The following CES1 variants were observed in gnomAD, a reference collection of about 807,000 sequenced individuals.
CES1 encodes liver carboxylesterase 1.
CES1 carries 50 observed loss-of-function variants against 53.0 expected under a neutral mutation model. The ratio of observed to expected loss-of-function variants is 0.94; its 90% confidence interval spans 0.75 to 1.19. The LOEUF (loss-of-function observed/expected upper bound fraction) is 1.19, where lower values mean the gene tolerates loss of function less well. CES1 is among the 50% of genes most tolerant of loss of function. The pLI, the probability that CES1 is intolerant of heterozygous loss-of-function variation, is 0.00. For missense variants in CES1, 534 were observed against 538.0 expected, an observed-to-expected ratio of 0.99 and a Z score of 0.07; for synonymous variants, 202 against 210.1, an observed-to-expected ratio of 0.96 and a Z score of 0.33.
chr16:55,811,641 CA>C lies in CES1; in HGVS notation c.1087-632del, dbSNP rs555322778. Among the ~76,000 whole-genome samples the C allele has an allele frequency of 1.1e-4, 16 of 152,294 alleles. No individual in the cohort carries two copies. The South Asian group carries it at 3.3e-3, about 32-fold the overall frequency. On this transcript the variant is annotated intron_variant, in intron 9 of 13. Coordinates refer to ENST00000360526, the MANE Select transcript of CES1 (RefSeq NM_001025195.2). ...CTTAACATAACTGCCTGGGAAGGCT[CA>C]ACCCTGCCAGGACAATTTACTCTGC...
At chr16:55,810,152 C>A (rs1305419102) in intron 11 of CES1, among the ~76,000 whole-genome samples, 4 of 152,110 alleles carry the variant, frequency 2.6e-5, no homozygotes, top group Non-Finnish European at 5.9e-5. Flanking sequence ...GATGGGATGC[C>A]CCTGAGCCCT....
intron 9 of CES1, among the ~76,000 whole-genome samples, chr16:55,812,060 G>A (rs1359090177): frequency 2.6e-5 from 4 of 152,174 alleles, no homozygotes; most frequent in African/African-American, 4.8e-5. Context: ...CCTATGAAAC[G>A]TCATCAGGCT....
At chr16:55,819,507 G>T (rs769836512) in intron 7 of CES1, 28 bp downstream of exon 7, 19 of 1,538,470 alleles carry the variant, frequency 1.2e-5, no homozygotes, top group Admixed American at 8.3e-5. Flanking sequence ...AGTTTACAGG[G>T]TTTGGGCTAC....
At chr16:55,820,037 C>T (rs1397027357) in intron 6 of CES1, 4 of 560,542 alleles carry the variant, frequency 7.1e-6, no homozygotes, top group South Asian at 6.0e-5. Flanking sequence ...CCATCACTGC[C>T]CAACATGGCA....
At chr16:55,819,406 G>C in intron 7 of CES1, 129 bp downstream of exon 7, 1 of 756,712 alleles carries the variant, frequency 1.3e-6, no homozygotes, top group Non-Finnish European at 2.4e-6. Context: ...GGACAAATCA[G>C]ATTCCCCATT....
intron 11 of CES1, among the ~76,000 whole-genome samples, chr16:55,810,070 A>G (rs1288414334): frequency 2.0e-5 from 3 of 152,098 alleles, no homozygotes; most frequent in Non-Finnish European, 4.4e-5. Flanking sequence ...GGAATAAACA[A>G]TTCCTTGCAA....
chr16:55,809,093 CAAAA>C (rs376932562), intron 11 of CES1, among the ~76,000 whole-genome samples: 16 of 72,056 alleles, frequency 2.2e-4, no homozygotes, highest in South Asian at 4.5e-4. Flanking sequence ...GTAGTCCTGG[CAAAA>C]AAAAAAAAAA....
chr16:55,825,706 G>T (rs1216805996), intron 3 of CES1, among the ~76,000 whole-genome samples: 1 of 152,210 alleles, frequency 6.6e-6, no homozygotes, highest in Non-Finnish European at 1.5e-5. Context: ...CAGAAGACTT[G>T]AGCCAAAACT....
chr16:55,827,170 C>T (rs535704552), intron 2 of CES1, among the ~76,000 whole-genome samples: 27 of 152,114 alleles, frequency 1.8e-4, no homozygotes, highest in African/African-American at 6.5e-4. Flanking sequence ...GGCACTCAGA[C>T]TCTGGGATGA....
intron 4 of CES1, among the ~76,000 whole-genome samples, chr16:55,822,942 T>C (rs1173953186): frequency 6.6e-6 from 1 of 151,848 alleles, no homozygotes; most frequent in African/African-American, 2.4e-5. Context: ...CAGTTGCGCC[T>C]TGAAGGAGAT....
At chr16:55,808,587 C>T (rs1328990443) in intron 11 of CES1, among the ~76,000 whole-genome samples, 5 of 152,156 alleles carry the variant, frequency 3.3e-5, no homozygotes, top group Non-Finnish European at 7.3e-5. Flanking sequence ...AGTTCTAAAA[C>T]ATTTGCATTG....
At chr16:55,825,210 A>G (rs2032370769) in intron 3 of CES1, among the ~76,000 whole-genome samples, 1 of 135,634 alleles carries the variant, frequency 7.4e-6, no homozygotes. Flanking sequence ...GAATGAATGA[A>G]TGAGTAAACC....
chr16:55,812,035 C>A (rs2031722290), intron 9 of CES1, among the ~76,000 whole-genome samples: 1 of 152,164 alleles, frequency 6.6e-6, no homozygotes, highest in African/African-American at 2.4e-5. Flanking sequence ...ACAGTGTTTC[C>A]CTTGGCACAC....
chr16:55,808,504 T>C (rs1401623611), intron 11 of CES1, among the ~76,000 whole-genome samples: 1 of 152,140 alleles, frequency 6.6e-6, no homozygotes, highest in African/African-American at 2.4e-5. Flanking sequence ...AATCTTAGCA[T>C]CCCAAATGAG....
intron 8 of CES1, among the ~76,000 whole-genome samples, chr16:55,814,849 C>G (rs1263893921): frequency 6.6e-6 from 1 of 152,196 alleles, no homozygotes; most frequent in Non-Finnish European, 1.5e-5. Flanking sequence ...CCTAGCTGGA[C>G]AAGATCAGAT....
At chr16:55,809,002 T>G (rs1207455134) in intron 11 of CES1, among the ~76,000 whole-genome samples, 1 of 147,164 alleles carries the variant, frequency 6.8e-6, no homozygotes, top group African/African-American at 2.5e-5. Context: ...TTCTATAATT[T>G]AACATATTAA....
At chr16:55,828,681 A>C in intron 2 of CES1, 86 bp downstream of exon 2, 4 of 1,468,594 alleles carry the variant, frequency 2.7e-6, no homozygotes, top group Non-Finnish European at 3.8e-6. Context: ...GTCCAGAGCA[A>C]AGGATCAGCC....
intron 2 of CES1, among the ~76,000 whole-genome samples, chr16:55,827,252 AG>A (rs1216555881): frequency 6.8e-6 from 1 of 147,618 alleles, no homozygotes. Flanking sequence ...AATTTTCCTA[AG>A]ATCACCAAGT....
Position 55,819,624 on chromosome 16 carries a change from C to CAGT in CES1, c.814_816dup (p.Thr272dup), listed in dbSNP as rs768072633. 92 of 1,613,700 alleles carry CAGT rather than the reference C, an allele frequency of 5.7e-5. No individual in the cohort carries two copies. Among genetic ancestry groups the CAGT allele is most frequent in the Non-Finnish European group, 7.2e-5 (85 of 1,179,770 alleles). ...GCAGAGGTGGTGGTTTTGCACCCAG[C>CAGT]AGTGATAGCAATTTGCTGCAAAGAT... is the stretch of plus-strand genomic sequence containing the variant. On this transcript the variant is annotated inframe_insertion, in exon 7 of 14. Transcript: ENST00000360526.
Sources: gnomAD v4.1 joint callset for allele counts (sites outside exome capture counted in the v4.1 genomes callset) on GRCh38, gnomAD v4.1.1 for gene constraint, MANE v1.5 for transcripts, NCBI Gene and HGNC (gene_info 2026-07-23, HGNC 2026-07-21) for gene names.